Variants in FRMD4A observed in about 807,000 individuals in gnomAD.
The protein encoded by FRMD4A is FERM domain containing 4A.
FRMD4A carries 29 observed loss-of-function variants against 129.1 expected under a neutral mutation model. That is an observed-to-expected ratio of 0.22 (90% confidence interval 0.17 to 0.31). The LOEUF is 0.31. FRMD4A is among the 10% of genes least tolerant of loss of function. The probability of loss-of-function intolerance (pLI) is 1.00; values close to 1 mark genes in which losing one functional copy is unlikely to be tolerated. For missense variants in FRMD4A, 1,272 were observed against 1,375.8 expected, an observed-to-expected ratio of 0.92 and a Z score of 1.19; for synonymous variants, 634 against 571.6, an observed-to-expected ratio of 1.11 and a Z score of -1.56.
At chr10:14,201,130 C>T (rs996261059) in intron 2 of FRMD4A, among the ~76,000 whole-genome samples, 2 of 152,196 alleles carry the variant, frequency 1.3e-5, no homozygotes, top group Non-Finnish European at 2.9e-5. Flanking sequence ...GATACCAGCA[C>T]CGGACAGCAG....
chr10:13,852,294 A>G (rs1430512957), intron 3 of FRMD4A, among the ~76,000 whole-genome samples: 4 of 151,206 alleles, frequency 2.6e-5, no homozygotes, highest in African/African-American at 9.7e-5. Context: ...GCTGGGCTGG[A>G]GTGCAGTGGC....
chr10:13,690,603 T>A (rs2085590667), intron 15 of FRMD4A, among the ~76,000 whole-genome samples: 1 of 152,196 alleles, frequency 6.6e-6, no homozygotes. Context: ...CTTGCAGGGC[T>A]GGTAAGAGTG....
chr10:13,777,554 C>T (rs1305581887), intron 6 of FRMD4A, among the ~76,000 whole-genome samples: 1 of 152,112 alleles, frequency 6.6e-6, no homozygotes, highest in Admixed American at 6.6e-5. Context: ...TGGGCTGATG[C>T]TGTCGGGACC....
intron 2 of FRMD4A, among the ~76,000 whole-genome samples, chr10:14,144,325 G>A (rs189990942): frequency 5.9e-4 from 90 of 152,274 alleles, no homozygotes; most frequent in African/African-American, 2.0e-3. Flanking sequence ...AGAGGAGAGG[G>A]GAGTGGAGGA....
At chr10:13,671,201 C>T (rs540945234) in intron 16 of FRMD4A, among the ~76,000 whole-genome samples, 1 of 152,286 alleles carries the variant, frequency 6.6e-6, no homozygotes, top group African/African-American at 2.4e-5. Context: ...TGTCTGTAAT[C>T]CCAGCACTTT....
chr10:13,821,267 G>A lies in FRMD4A; in HGVS notation c.112-10359C>T, dbSNP rs1437630135. 6.6e-6 allele frequency among the ~76,000 whole-genome samples: 1 copy of A among 152,124 alleles called. No individual in the cohort carries two copies. Among genetic ancestry groups the A allele is most frequent in the East Asian group, 1.9e-4 (1 of 5,186 alleles). On this transcript the variant is annotated intron_variant, in intron 3 of 24. Transcript: ENST00000357447. This position sits in a 1 kb window ranked among gnomAD's most constrained non-coding sequence, Gnocchi z 4.3. Reference sequence around the variant, plus strand: ...GTTTCCTTCCTGCCTCTCCAGCACAGCCCTGGGTTCTGTGGCAGGGGACAC... The same window carrying A: ...GTTTCCTTCCTGCCTCTCCAGCACAACCCTGGGTTCTGTGGCAGGGGACAC...
intron 2 of FRMD4A, among the ~76,000 whole-genome samples, chr10:13,880,795 C>A (rs963547701): frequency 6.6e-6 from 1 of 152,126 alleles, no homozygotes; most frequent in Admixed American, 6.5e-5. Flanking sequence ...GTCTACAAGA[C>A]CCCTGTGTTT....
At chr10:14,141,054 G>C (rs1839809874) in intron 2 of FRMD4A, among the ~76,000 whole-genome samples, 1 of 152,066 alleles carries the variant, frequency 6.6e-6, no homozygotes, top group Admixed American at 6.5e-5. Flanking sequence ...GCACAGGCCT[G>C]GTAAGAGGAC....
intron 2 of FRMD4A, among the ~76,000 whole-genome samples, chr10:13,975,336 C>T (rs2095538294): frequency 2.0e-5 from 3 of 149,828 alleles, no homozygotes; most frequent in Admixed American, 2.0e-4. Context: ...ATCTCTGAGC[C>T]TCTATGTATG....
rs570541702 is a variant in FRMD4A, at chr10:14,119,742, T to G, written c.45+210316A>C. Among the ~76,000 whole-genome samples the G allele has an allele frequency of 2.6e-5, 4 of 152,326 alleles. No individual in the cohort carries two copies. In the East Asian group the frequency reaches 7.7e-4, roughly 29 times the overall value. On this transcript the variant is annotated intron_variant, in intron 2 of 24. Transcript: ENST00000357447. Reference sequence around the variant, plus strand: ...ACTTTGCATCCTGCCCCACAGACCTTCCAAGGGACTTATTTGGGGAGTAAC... The same window carrying G: ...ACTTTGCATCCTGCCCCACAGACCTGCCAAGGGACTTATTTGGGGAGTAAC...
At chr10:13,862,185 C>A (rs2094303909) in intron 2 of FRMD4A, among the ~76,000 whole-genome samples, 1 of 152,148 alleles carries the variant, frequency 6.6e-6, no homozygotes, top group Admixed American at 6.6e-5. Context: ...TTTTCTGCAT[C>A]TATAAAACAG....
At chr10:13,672,816 TC>T (rs35651682) in intron 16 of FRMD4A, among the ~76,000 whole-genome samples, 9 of 151,942 alleles carry the variant, frequency 5.9e-5, no homozygotes, top group Non-Finnish European at 1.2e-4. Flanking sequence ...TAGCAAGACC[TC>T]CCCCCAGCCC....
At chr10:13,925,143 G>A (rs2095116754) in intron 2 of FRMD4A, among the ~76,000 whole-genome samples, 3 of 151,244 alleles carry the variant, frequency 2.0e-5, no homozygotes, top group Non-Finnish European at 4.4e-5. Flanking sequence ...TGCAATTGTG[G>A]TGGCACAATG....
chr10:13,867,685 A>G (rs11258680), intron 2 of FRMD4A, among the ~76,000 whole-genome samples: 18,905 of 105,102 alleles, frequency 0.18, 1,561 homozygotes, highest in Non-Finnish European at 0.22. Flanking sequence ...TATAATAAAT[A>G]TATATAATAT....
intron 2 of FRMD4A, among the ~76,000 whole-genome samples, chr10:13,941,473 A>G (rs2095291925): frequency 1.3e-5 from 2 of 152,230 alleles, no homozygotes; most frequent in African/African-American, 4.8e-5. Context: ...AAAGCCAAAC[A>G]TATAACATTA....
At chr10:13,911,119 A>G (rs1018517116) in intron 2 of FRMD4A, among the ~76,000 whole-genome samples, 4 of 152,186 alleles carry the variant, frequency 2.6e-5, no homozygotes, top group Admixed American at 2.6e-4. Flanking sequence ...AAACAAATAA[A>G]AATCCTGACT....
chr10:13,858,902 C>A lies in FRMD4A; in HGVS notation c.56G>T (p.Gly19Val). The A allele has an allele frequency of 6.3e-7, 1 of 1,596,888 alleles. No homozygotes were observed. The highest frequency in any genetic ancestry group is 8.6e-7 in the Non-Finnish European group (1 of 1,164,344). ...AAGAAGATGTACTTGACATCGGCGG[C>A]CCTCCGTCATCTAAGAGGGAAGAGA... ...SALGLLMMTE[G>V]RRCQVHLLDD... The change falls in exon 3 of 25, where the codon GGC (glycine) becomes GTC (valine). Residue 19 changes from glycine (G) to valine (V), a missense_variant. Coordinates refer to ENST00000357447, the MANE Select transcript of FRMD4A (RefSeq NM_018027.5).
intron 8 of FRMD4A, among the ~76,000 whole-genome samples, chr10:13,757,795 G>A (rs928884712): frequency 6.6e-6 from 1 of 152,196 alleles, no homozygotes; most frequent in African/African-American, 2.4e-5. Context: ...CCAGGCTGGA[G>A]TGTAATGGCA....
At chr10:14,023,632 G>A (rs994412266) in intron 2 of FRMD4A, among the ~76,000 whole-genome samples, 1 of 152,232 alleles carries the variant, frequency 6.6e-6, no homozygotes, top group African/African-American at 2.4e-5. Context: ...CAGACCCGTG[G>A]CCAACAGAAA....
Sources: gnomAD v4.1 joint callset for allele counts (sites outside exome capture counted in the v4.1 genomes callset) on GRCh38, gnomAD v4.1.1 for gene constraint, Gnocchi (gnomAD v3.1) non-coding constraint, MANE v1.5 for transcripts, NCBI Gene and HGNC (gene_info 2026-07-23, HGNC 2026-07-21) for gene names.